Variants in NEGR1 observed in about 807,000 individuals in gnomAD.
The protein encoded by NEGR1 is IgLON family member 4.
In NEGR1, 10 loss-of-function variants were observed where a neutral mutation model predicts 40.9. That is an observed-to-expected ratio of 0.24 (90% CI 0.15 to 0.42). The LOEUF (loss-of-function observed/expected upper bound fraction) is 0.42, where lower values mean the gene tolerates loss of function less well. NEGR1 is among the 10% of genes least tolerant of loss of function. The probability of loss-of-function intolerance (pLI) is 1.00; values close to 1 mark genes in which losing one functional copy is unlikely to be tolerated. For missense variants in NEGR1, 352 were observed against 438.9 expected (o/e 0.80, Z 1.77); for synonymous variants, 185 against 166.8 (o/e 1.11, Z -0.84).
chr1:71,428,434 G>A (rs548144811), intron 6 of NEGR1, among the ~76,000 whole-genome samples: 2 of 152,234 alleles, frequency 1.3e-5, no homozygotes, highest in East Asian at 3.9e-4. Context: ...ATAATGTTAA[G>A]GCACTGAGTA....
intron 6 of NEGR1, among the ~76,000 whole-genome samples, chr1:71,526,364 A>T (rs1468368811): frequency 6.6e-6 from 1 of 151,540 alleles, no homozygotes; most frequent in African/African-American, 2.4e-5. Context: ...TCTCATTCTT[A>T]CCTTTCTTAT....
chr1:71,677,369 T>A (rs1457317659), intron 4 of NEGR1, among the ~76,000 whole-genome samples: 3 of 152,166 alleles, frequency 2.0e-5, no homozygotes, highest in Admixed American at 2.0e-4. Flanking sequence ...ATCCTTTAAA[T>A]CCAATTCATA....
chr1:72,216,143 T>C (rs908538758), intron 1 of NEGR1, among the ~76,000 whole-genome samples: 1 of 151,592 alleles, frequency 6.6e-6, no homozygotes, highest in African/African-American at 2.4e-5. Flanking sequence ...TCACTCATAA[T>C]TGGAAGTCGT....
intron 3 of NEGR1, among the ~76,000 whole-genome samples, chr1:71,716,230 T>C (rs913090272): frequency 1.3e-5 from 2 of 152,018 alleles, no homozygotes; most frequent in Non-Finnish European, 2.9e-5. Context: ...GCTACCCCCA[T>C]GATTAAATTA....
intron 1 of NEGR1, among the ~76,000 whole-genome samples, chr1:71,969,608 A>G (rs1045163535): frequency 6.6e-6 from 1 of 152,168 alleles, no homozygotes; most frequent in Non-Finnish European, 1.5e-5. Flanking sequence ...CACACTTACC[A>G]TTGGGGGCAG....
intron 2 of NEGR1, among the ~76,000 whole-genome samples, chr1:71,852,622 G>A (rs1659640287): frequency 6.6e-6 from 1 of 151,834 alleles, no homozygotes; most frequent in Non-Finnish European, 1.5e-5. Context: ...GTTTTGTTTT[G>A]TTTTGTTTTA....
chr1:71,656,493 A>G (rs1285138478), intron 4 of NEGR1, among the ~76,000 whole-genome samples: 3 of 152,020 alleles, frequency 2.0e-5, no homozygotes, highest in East Asian at 3.9e-4. Context: ...GCTTACTGCA[A>G]ACTCCACCTC....
chr1:72,248,090 G>A (rs972780188), intron 1 of NEGR1, among the ~76,000 whole-genome samples: 13 of 152,134 alleles, frequency 8.5e-5, no homozygotes, highest in African/African-American at 2.9e-4. Context: ...ACCAAGCCAT[G>A]AGGGATCCGC....
intron 1 of NEGR1, among the ~76,000 whole-genome samples, chr1:72,256,858 A>T (rs1174211345): frequency 6.6e-6 from 1 of 152,206 alleles, no homozygotes; most frequent in Non-Finnish European, 1.5e-5. Context: ...ACAAATACTA[A>T]TTTAAACCAA....
intron 1 of NEGR1, among the ~76,000 whole-genome samples, chr1:72,242,133 C>T (rs1185266352): frequency 2.0e-5 from 3 of 151,590 alleles, no homozygotes; most frequent in Admixed American, 6.6e-5. Flanking sequence ...ATCCTTGATG[C>T]TAAATTATTA....
chr1:72,180,330 C>A (rs1652318729), intron 1 of NEGR1, among the ~76,000 whole-genome samples: 1 of 151,538 alleles, frequency 6.6e-6, no homozygotes, highest in African/African-American at 2.4e-5. Context: ...GGATAAAAGA[C>A]CCAAACATAA....
At chr1:71,507,877 A>T (rs1200810203) in intron 6 of NEGR1, among the ~76,000 whole-genome samples, 2 of 152,196 alleles carry the variant, frequency 1.3e-5, no homozygotes, top group East Asian at 1.9e-4. Context: ...GCATTTCACC[A>T]AACTAATCTT....
intron 1 of NEGR1, among the ~76,000 whole-genome samples, chr1:71,939,119 G>A (rs1296784143): frequency 6.6e-6 from 1 of 152,058 alleles, no homozygotes; most frequent in African/African-American, 2.4e-5. Context: ...CTTCCAACAA[G>A]TCAGGCATTC....
At chr1:71,556,867 G>A (rs1191874184) in intron 6 of NEGR1, among the ~76,000 whole-genome samples, 1 of 151,578 alleles carries the variant, frequency 6.6e-6, no homozygotes, top group African/African-American at 2.4e-5. Flanking sequence ...TGACAAATGG[G>A]CCTAACAAGA....
chr1:71,625,056 T>C (rs1650725722), intron 4 of NEGR1, among the ~76,000 whole-genome samples: 1 of 152,000 alleles, frequency 6.6e-6, no homozygotes, highest in South Asian at 2.1e-4. Flanking sequence ...ATCAAACTAT[T>C]TGTGTTACAG....
At chr1:71,528,646 G>A (rs751428114) in intron 6 of NEGR1, among the ~76,000 whole-genome samples, 1 of 151,142 alleles carries the variant, frequency 6.6e-6, no homozygotes, top group African/African-American at 2.4e-5. Flanking sequence ...GTATCTTGTG[G>A]TGAATTTAAA....
At chr1:71,653,412 C>T (rs184337515) in intron 4 of NEGR1, among the ~76,000 whole-genome samples, 2 of 152,260 alleles carry the variant, frequency 1.3e-5, no homozygotes, top group East Asian at 1.9e-4. Flanking sequence ...AAAAGCTTTC[C>T]ATTTCAGAAA....
chr1:71,495,556 C>A (rs1366014708), intron 6 of NEGR1, among the ~76,000 whole-genome samples: 1 of 151,860 alleles, frequency 6.6e-6, no homozygotes, highest in Non-Finnish European at 1.5e-5. Flanking sequence ...TGCTCCTACC[C>A]CCCTACATCA....
At chr1:71,581,292 G>A (rs1438411590) in intron 6 of NEGR1, among the ~76,000 whole-genome samples, 4 of 152,066 alleles carry the variant, frequency 2.6e-5, no homozygotes, top group African/African-American at 9.7e-5. Flanking sequence ...GTTCATTGTC[G>A]AGACTTAAGA....
Sources: allele counts gnomAD v4.1 joint callset (sites outside exome capture counted in the v4.1 genomes callset), GRCh38; gene constraint gnomAD v4.1.1; transcripts MANE v1.5; gene names NCBI Gene and HGNC (gene_info 2026-07-23, HGNC 2026-07-21).